RBM47: variants seen among roughly 807,000 people sequenced by gnomAD.
The protein encoded by RBM47 is RNA-binding protein 47.
A neutral mutation model predicts 47.1 loss-of-function variants in RBM47; 21 were observed. The observed-to-expected ratio is 0.45, with a 90% CI of 0.32 to 0.64. RBM47 has a LOEUF of 0.64. RBM47 is among the 30% of genes least tolerant of loss of function. The pLI is 0.05. For synonymous variants in RBM47, 375 were observed against 361.7 expected (o/e 1.04, Z -0.42); for missense variants, 708 against 870.9 (o/e 0.81, Z 2.35).
intron 1 of RBM47, among the ~76,000 whole-genome samples, chr4:40,551,288 T>C (rs780908231): frequency 3.3e-5 from 5 of 152,206 alleles, no homozygotes; most frequent in Non-Finnish European, 5.9e-5. Context: ...TCTGTTTACT[T>C]TGCTGCTTAA....
At chr4:40,614,873 T>G (rs1004868526) in intron 1 of RBM47, among the ~76,000 whole-genome samples, 1 of 151,818 alleles carries the variant, frequency 6.6e-6, no homozygotes, top group Non-Finnish European at 1.5e-5. Context: ...TGACCACCAT[T>G]TACCTTGGGC....
chr4:40,523,542 TCGGG>T (rs1726413100), intron 2 of RBM47, among the ~76,000 whole-genome samples: 1 of 151,826 alleles, frequency 6.6e-6, no homozygotes. Flanking sequence ...TCCTAGCTAC[TCGGG>T]AGACTGAGGC....
chr4:40,580,150 G>T (rs1055361722), intron 1 of RBM47, among the ~76,000 whole-genome samples: 5 of 151,876 alleles, frequency 3.3e-5, no homozygotes, highest in Non-Finnish European at 7.4e-5. Flanking sequence ...TCCTTCAGTT[G>T]AACTTGGTTT....
At position 40,629,730 on chromosome 4, in the gene RBM47, C is replaced by G. The variant is rs929266206; in HGVS notation, c.-574G>C. On this transcript the variant is annotated 5_prime_UTR_variant, in exon 1 of 7. Transcript: ENST00000295971. ...CACATTCCACAGTGGAAAGCGGGAG[C>G]GGCGACCCGAAGGCAGCGAAGTTCT... The G allele has an allele frequency of 6.6e-6, 1 of 152,212 alleles. No individual in the cohort carries two copies. The highest frequency in any genetic ancestry group is 2.4e-5 in the African/African-American group (1 of 41,448). The allele number at this position is 152,212 out of a possible 1,614,324, so 9.4% of individuals were successfully genotyped here. A position where few individuals can be genotyped will look rare whatever the true frequency, so the allele number is the denominator to read the frequency against.
intron 3 of RBM47, among the ~76,000 whole-genome samples, chr4:40,453,161 T>C (rs1715711463): frequency 6.6e-6 from 1 of 152,168 alleles, no homozygotes; most frequent in South Asian, 2.1e-4. Flanking sequence ...AATAACATAA[T>C]TAATAGCGAT....
intron 2 of RBM47, among the ~76,000 whole-genome samples, chr4:40,483,543 G>T (rs900682813): frequency 6.6e-6 from 1 of 152,138 alleles, no homozygotes. Flanking sequence ...AAGATCACTG[G>T]TGTGCAGCCG....
intron 6 of RBM47, chr4:40,427,703 A>G (rs1238378919): frequency 6.6e-6 from 1 of 152,174 alleles, no homozygotes; most frequent in African/African-American, 2.4e-5. Flanking sequence ...AATTAAAATA[A>G]TTATTTCTTC....
chr4:40,548,668 T>C (rs1328484025), intron 1 of RBM47, among the ~76,000 whole-genome samples: 1 of 151,884 alleles, frequency 6.6e-6, no homozygotes, highest in Non-Finnish European at 1.5e-5. Flanking sequence ...TGAGTACATA[T>C]TACTTTTTTT....
At chr4:40,453,277 A>C (rs1054908268) in intron 3 of RBM47, among the ~76,000 whole-genome samples, 10 of 152,352 alleles carry the variant, frequency 6.6e-5, no homozygotes, top group Non-Finnish European at 1.2e-4. Context: ...AGGTCACAAA[A>C]CTTCCTTCAA....
At chr4:40,431,462 T>A (rs1348781498) in intron 6 of RBM47, among the ~76,000 whole-genome samples, 2 of 151,994 alleles carry the variant, frequency 1.3e-5, no homozygotes, top group South Asian at 4.1e-4. Context: ...ATTGAGACTA[T>A]CCTGGCTGAC....
Position 40,425,833 on chromosome 4 carries a change from C to A in RBM47, c.*71G>T. ...GTTGCATGTGTGAATCCAACATGTT[C>A]CTTCTTCATAAATAGTCAAGCGTTC... On this transcript the variant is annotated 3_prime_UTR_variant, in exon 7 of 7. Transcript: ENST00000295971. 2 of 1,552,188 alleles carry A rather than the reference C, an allele frequency of 1.3e-6. No homozygotes were observed. Among genetic ancestry groups the A allele is most frequent in the Non-Finnish European group, 1.8e-6 (2 of 1,141,106 alleles).
intron 2 of RBM47, among the ~76,000 whole-genome samples, chr4:40,471,943 T>C (rs532270792): frequency 1.3e-5 from 2 of 152,324 alleles, no homozygotes; most frequent in African/African-American, 4.8e-5. Context: ...TACAAAGCTA[T>C]TCCTGCAGCC....
At chr4:40,624,601 C>A (rs1479839409) in intron 1 of RBM47, among the ~76,000 whole-genome samples, 1 of 152,152 alleles carries the variant, frequency 6.6e-6, no homozygotes, top group African/African-American at 2.4e-5. Context: ...ACTGGTAGTA[C>A]ATAAAACAAA....
intron 2 of RBM47, among the ~76,000 whole-genome samples, chr4:40,504,346 A>G (rs1201392436): frequency 6.9e-6 from 1 of 145,508 alleles, no homozygotes; most frequent in Non-Finnish European, 1.5e-5. Flanking sequence ...TCTAGAGTGC[A>G]GTAGTGCAAT....
intron 1 of RBM47, among the ~76,000 whole-genome samples, chr4:40,599,631 G>A (rs948017685): frequency 6.6e-6 from 1 of 151,944 alleles, no homozygotes; most frequent in South Asian, 2.1e-4. Context: ...CACCCAGCAG[G>A]AGAGGCCTTA....
chr4:40,572,095 A>G (rs2154268943), intron 1 of RBM47, among the ~76,000 whole-genome samples: 1 of 147,476 alleles, frequency 6.8e-6, no homozygotes, highest in South Asian at 2.2e-4. Flanking sequence ...TGGAAAAAAA[A>G]AAAAAAACCC....
chr4:40,586,623 C>A (rs1350919252), intron 1 of RBM47, among the ~76,000 whole-genome samples: 1 of 149,888 alleles, frequency 6.7e-6, no homozygotes, highest in Non-Finnish European at 1.5e-5. Context: ...CTTGGCGCTC[C>A]GTCCACTTTT....
At chr4:40,617,238 A>C (rs1007416994) in intron 1 of RBM47, among the ~76,000 whole-genome samples, 2 of 152,130 alleles carry the variant, frequency 1.3e-5, no homozygotes, top group African/African-American at 2.4e-5. Context: ...CTGTTCACAC[A>C]AATTTTTGTT....
intron 1 of RBM47, among the ~76,000 whole-genome samples, chr4:40,602,606 C>A (rs1735384887): frequency 6.7e-6 from 1 of 149,676 alleles, no homozygotes; most frequent in Non-Finnish European, 1.5e-5. Context: ...TGAGATCACA[C>A]CACTGCACTC....
Sources: gnomAD v4.1 joint callset for allele counts (sites outside exome capture counted in the v4.1 genomes callset) on GRCh38, gnomAD v4.1.1 for gene constraint, MANE v1.5 for transcripts, NCBI Gene and HGNC (gene_info 2026-07-23, HGNC 2026-07-21) for gene names.